The following ZNF512B variants were observed in gnomAD, a reference collection of about 807,000 sequenced individuals.
The protein encoded by ZNF512B is zinc finger protein 512B.
A neutral mutation model predicts 87.8 loss-of-function variants in ZNF512B; 22 were observed. The ratio of observed to expected loss-of-function variants is 0.25; its 90% CI spans 0.18 to 0.36. The LOEUF is 0.36. Ranked by LOEUF, ZNF512B falls within the 10% of genes least tolerant of loss-of-function variation. The pLI, the probability that ZNF512B is intolerant of heterozygous loss-of-function variation, is 1.00. For missense variants in ZNF512B, 1,060 were observed against 1,231.6 expected (o/e 0.86, Z 2.09); for synonymous variants, 524 against 490.9 (o/e 1.07, Z -0.89).
Position 63,963,775 on chromosome 20 carries a change from G to A in ZNF512B, c.1605+14C>T, listed in dbSNP as rs201138976. 29 of 1,613,010 alleles carry A rather than the reference G, an allele frequency of 1.8e-5. No individual in the cohort carries two copies. The Admixed American group carries it at 2.7e-4, about 15-fold the overall frequency. On this transcript the variant is annotated intron_variant, in intron 9 of 16. Coordinates refer to ENST00000369888, the MANE Select transcript of ZNF512B (RefSeq NM_020713.3). Reference sequence around the variant, plus strand: ...GGGCGCCTCCCTCCCAGCGCCTTCCGGGAGCTGCCTTACCTTCTGACACAC... The same window carrying A: ...GGGCGCCTCCCTCCCAGCGCCTTCCAGGAGCTGCCTTACCTTCTGACACAC...
Position 63,967,824 on chromosome 20 carries a change from T to C in ZNF512B, c.121+6A>G, listed in dbSNP as rs533884377. On this transcript the variant is annotated splice_donor_region_variant and intron_variant, in intron 2 of 16. Coordinates refer to ENST00000369888, the MANE Select transcript of ZNF512B (RefSeq NM_020713.3). ...TGGAATTGACTCTGGCCCTGACTCC[T>C]CTTACCCATCTTCGGTGGGTCATGC... The C allele has an allele frequency of 3.1e-6, 5 of 1,610,860 alleles. No individual in the cohort carries two copies. In the South Asian group the frequency reaches 5.5e-5, roughly 18 times the overall value.
At chr20:63,964,894 C>T (rs1208248781) in intron 5 of ZNF512B, among the ~76,000 whole-genome samples, 178 bp from the exon 6 acceptor site, 2 of 71,686 alleles carry the variant, frequency 2.8e-5, no homozygotes, top group South Asian at 4.9e-4. Flanking sequence ...TGACCTGGGA[C>T]GAGCCCCCAT....
chr20:63,960,724 G>A (rs1327854728), intron 16 of ZNF512B, among the ~76,000 whole-genome samples: 1 of 139,946 alleles, frequency 7.1e-6, no homozygotes, highest in South Asian at 2.5e-4. Context: ...CCTGCAGGGG[G>A]CTGGACACAG....
In ZNF512B at chr20:63,964,075, A is replaced by T; in HGVS notation, c.1476T>A (p.Ala492=). The change falls in exon 8 of 17, where the codon GCT becomes GCA. Residue 492 remains alanine (A), a synonymous_variant. Coordinates refer to ENST00000369888, the MANE Select transcript of ZNF512B (RefSeq NM_020713.3). ...KEAPAPVAHP[A]PGGPEEQWQR... ...CCCCTGCCAGGCAGCCCCTACCTGG[A>T]GCTGGGTGGGCCACAGGGGCCGGTG... is the stretch of plus-strand genomic sequence containing the variant. 1 of 1,607,940 alleles carries T rather than the reference A, an allele frequency of 6.2e-7. No individual in the cohort carries two copies. Among genetic ancestry groups the T allele is most frequent in the South Asian group, 1.1e-5 (1 of 90,864 alleles).
intron 14 of ZNF512B, 46 bp downstream of exon 14, chr20:63,962,227 G>T (rs2297808): frequency 0.036 from 56,080 of 1,546,448 alleles, 2,305 homozygotes; most frequent in African/African-American, 0.2. Flanking sequence ...CCAGGCTCTG[G>T]CCCTGTATGG....
chr20:63,963,719 G>A lies in ZNF512B; in HGVS notation c.1606-9C>T. ...TTGAGTGCATCCTGAAGCTGCAGAT[G>A]GCCCACATGTGAGAAGCCTGCCTGG... On this transcript the variant is annotated splice_polypyrimidine_tract_variant and intron_variant, in intron 9 of 16. Coordinates refer to ENST00000369888, the MANE Select transcript of ZNF512B (RefSeq NM_020713.3). 6.2e-7 allele frequency: 1 copy of A among 1,613,292 alleles called. No homozygotes were observed. The highest frequency in any genetic ancestry group is 8.5e-7 in the Non-Finnish European group (1 of 1,180,026).
chr20:63,962,337 G>T lies in ZNF512B; in HGVS notation c.2201C>A (p.Pro734His). 6.2e-7 allele frequency: 1 copy of T among 1,612,920 alleles called. No homozygotes were observed. The change falls in exon 14 of 17, where the codon CCC becomes CAC. Residue 734 changes from proline to histidine, a missense_variant. Pro to His is a moderately conservative substitution (Grantham distance 77). This residue lies in a region of ZNF512B where 253 missense variants were observed against 259.2 expected (regional missense o/e 0.98). Transcript: ENST00000369888. ...YTRPGLPTLN[P>H]QLLEAWKNEV... ...ATTCTTCCATGCCTCTAGCAGCTGG[G>T]GGTTCAGCGTGGGGAGCCCTGGTCG...
At position 63,961,917 on chromosome 20, in the gene ZNF512B, C is replaced by T. The variant is rs1472034864; in HGVS notation, c.2328+25G>A. 1 of 1,549,740 alleles carries T rather than the reference C, an allele frequency of 6.5e-7. No individual in the cohort carries two copies. Among genetic ancestry groups the T allele is most frequent in the African/African-American group, 1.4e-5 (1 of 73,030 alleles). On this transcript the variant is annotated intron_variant, in intron 15 of 16. Coordinates refer to ENST00000369888, the MANE Select transcript of ZNF512B (RefSeq NM_020713.3). This position sits in a 1 kb window ranked among gnomAD's most constrained non-coding sequence, Gnocchi z 6.4. ...GGAGCTCTGAGTGCAGCGCACCTGG[C>T]CGTGGGGCAGGCCCCAGAACTGACC...
rs1305002790 is a variant in ZNF512B, at chr20:63,959,786, G to T, written c.*102C>A. ...CCACTGGACGGATGAAGAGGCGGGG[G>T]TGGGGGATGGAGAACTGGAGGACAG... is the stretch of plus-strand genomic sequence containing the variant. On this transcript the variant is annotated 3_prime_UTR_variant, in exon 17 of 17. Transcript: ENST00000369888. 7.0e-7 allele frequency: 1 copy of T among 1,436,478 alleles called. No homozygotes were observed. Among genetic ancestry groups the T allele is most frequent in the Non-Finnish European group, 9.2e-7 (1 of 1,091,864 alleles). The allele number at this position is 1,436,478 out of a possible 1,614,324, so 89.0% of individuals were successfully genotyped here.
chr20:63,966,392 G>A lies in ZNF512B; in HGVS notation c.783C>T (p.Thr261=), dbSNP rs1267423663. 1 of 1,613,912 alleles carries A rather than the reference G, an allele frequency of 6.2e-7. No homozygotes were observed. The highest frequency in any genetic ancestry group is 1.3e-5 in the African/African-American group (1 of 74,912). ...CGGGTTTGGTGACCGGCACAGACTT[G>A]GTGACTGTGATGGGTTTGGTGACCG... ...AMPVTKPITV[T]KSVPVTKPVP... The change falls in exon 5 of 17, where the codon ACC becomes ACT. Residue 261 remains threonine (T), a synonymous_variant. Coordinates refer to ENST00000369888, the MANE Select transcript of ZNF512B (RefSeq NM_020713.3).
At chr20:63,967,306 G>A (rs1457635700) in intron 3 of ZNF512B, 75 bp downstream of exon 3, 30 of 1,517,578 alleles carry the variant, frequency 2.0e-5, no homozygotes, top group Non-Finnish European at 2.5e-5. Flanking sequence ...ATGTGCAGAG[G>A]ACAAATCAGG....
Position 63,963,681 on chromosome 20 carries a change from G to A in ZNF512B, c.1635C>T (p.Cys545=), listed in dbSNP as rs1262068706. Residue 545 remains cysteine, a synonymous_variant, in exon 10 of 17, where the codon TGC becomes TGT. Transcript: ENST00000369888. The part of the protein sequence containing the change: ...KLQDALKCQH[C]RKQFKSKAGL... ...CGGCTTTGGACTTGAACTGCTTCCG[G>A]CAGTGCTGGCACTTGAGTGCATCCT... The A allele has an allele frequency of 8.7e-6, 14 of 1,613,418 alleles. No homozygotes were observed. The highest frequency in any genetic ancestry group is 1.2e-5 in the Non-Finnish European group (14 of 1,180,024).
intron 1 of ZNF512B, chr20:63,969,018 G>A: frequency 1.4e-6 from 1 of 693,148 alleles, no homozygotes; most frequent in Non-Finnish European, 1.8e-6. Context: ...ATGGGAAGGG[G>A]CTGCTGTGTC....
intron 3 of ZNF512B, 144 bp downstream of exon 3, chr20:63,967,237 A>G: frequency 7.4e-7 from 1 of 1,353,082 alleles, no homozygotes; most frequent in South Asian, 1.4e-5. Flanking sequence ...ATACAAAGCC[A>G]GGCCACGTGA....
chr20:63,961,341 C>T lies in ZNF512B; in HGVS notation c.2395G>A (p.Val799Ile), dbSNP rs1024707755. The T allele has an allele frequency of 8.1e-6, 13 of 1,612,600 alleles. No individual in the cohort carries two copies. The highest frequency in any genetic ancestry group is 2.2e-5 in the East Asian group (1 of 44,882). ...TGGGTCTTCAGGATGTGGTATTTGA[C>T]GCCACTCTCAGAACTGAACTCCTTC... ...CPKEFSSESG[V>I]KYHILKTHAE... Residue 799 changes from valine to isoleucine, a missense_variant, in exon 16 of 17, where the codon GTC becomes ATC. Physicochemically the swap from Val to Ile is conservative, Grantham distance 29. This residue lies in a region of ZNF512B where 253 missense variants were observed against 259.2 expected (regional missense o/e 0.98). Coordinates refer to ENST00000369888, the MANE Select transcript of ZNF512B (RefSeq NM_020713.3). This position sits in a 1 kb window ranked among gnomAD's most constrained non-coding sequence, Gnocchi z 6.4.
At chr20:63,964,938 G>A (rs577433956) in intron 5 of ZNF512B, among the ~76,000 whole-genome samples, 2 of 46,442 alleles carry the variant, frequency 4.3e-5, no homozygotes, top group South Asian at 1.7e-3. Flanking sequence ...GACCTGGGAC[G>A]AGCCCCCATA....
intron 12 of ZNF512B, 58 bp downstream of exon 12, chr20:63,963,037 C>A (rs1015253545): frequency 6.1e-6 from 9 of 1,475,500 alleles, no homozygotes; most frequent in Non-Finnish European, 8.1e-6. Context: ...CCAAGGCACA[C>A]GGAACACACA....
intron 3 of ZNF512B, 39 bp downstream of exon 3, chr20:63,967,342 C>A (rs201681317): frequency 6.3e-4 from 979 of 1,554,826 alleles, no homozygotes; most frequent in Non-Finnish European, 7.6e-4. Context: ...GATAGGGAGA[C>A]CCCAGCATGA....
At position 63,962,819 on chromosome 20, in the gene ZNF512B, C is replaced by T. The variant is rs750175235; in HGVS notation, c.1969-38G>A. 39 of 1,545,298 alleles carry T rather than the reference C, an allele frequency of 2.5e-5. No homozygotes were observed. In the Middle Eastern group the frequency reaches 1.0e-3, roughly 41 times the overall value. ...AAGGCATGGAGGCTAGAGTGAGCCG[C>T]GGGAGCAAGAGTCAGGTCAGCGCGC... is the stretch of plus-strand genomic sequence containing the variant. On this transcript the variant is annotated intron_variant, in intron 12 of 16. Transcript: ENST00000369888.
Sources: allele counts gnomAD v4.1 joint callset (sites outside exome capture counted in the v4.1 genomes callset), GRCh38; gene constraint gnomAD v4.1.1; regional missense constraint gnomAD v4.1.1; non-coding constraint Gnocchi (gnomAD v3.1); transcripts MANE v1.5; gene names NCBI Gene and HGNC (gene_info 2026-07-23, HGNC 2026-07-21).